The following SPIRE1 variants were observed in gnomAD, a reference collection of about 807,000 sequenced individuals.
The protein encoded by SPIRE1 is protein spire homolog 1.
A neutral mutation model predicts 94.1 loss-of-function variants in SPIRE1; 40 were observed. That is an observed-to-expected ratio of 0.43 (90% CI 0.33 to 0.55). The LOEUF (loss-of-function observed/expected upper bound fraction) is 0.55. SPIRE1 is among the 20% of genes least tolerant of loss of function. The pLI, the probability that SPIRE1 is intolerant of heterozygous loss-of-function variation, is 0.06. For missense variants in SPIRE1, 838 were observed against 975.2 expected, an observed-to-expected ratio of 0.86 and a Z score of 1.87; for synonymous variants, 376 against 371.7, an observed-to-expected ratio of 1.01 and a Z score of -0.13.
At chr18:12,507,593 G>A (rs944468154) in intron 5 of SPIRE1, among the ~76,000 whole-genome samples, 2 of 151,982 alleles carry the variant, frequency 1.3e-5, no homozygotes, top group Admixed American at 1.3e-4. Context: ...CAGCCACTCA[G>A]GAGGCTGAGG....
chr18:12,482,940 T>C (rs953599262), intron 9 of SPIRE1, among the ~76,000 whole-genome samples: 14 of 61,328 alleles, frequency 2.3e-4, no homozygotes, highest in African/African-American at 7.0e-4. Context: ...TTAATTGCAC[T>C]TTTTTTTTTT....
chr18:12,496,095 C>T lies in SPIRE1; in HGVS notation c.980G>A (p.Gly327Asp). The T allele has an allele frequency of 6.2e-7, 1 of 1,611,982 alleles. No individual in the cohort carries two copies. Among genetic ancestry groups the T allele is most frequent in the Non-Finnish European group, 8.5e-7 (1 of 1,178,150 alleles). ...CTTTTTTAACCGAGGGGGAATATCA[C>T]CATTCACCTAAAAGGAGACAAAAAG... Reference protein sequence around the residue: ...RYTLRKVMVNGDIPPRLKKSA... With the variant: ...RYTLRKVMVNDDIPPRLKKSA... The change falls in exon 7 of 17, where the codon GGT becomes GAT. Residue 327 changes from glycine (G) to aspartate (D), a missense_variant. Transcript: ENST00000409402.
chr18:12,542,046 G>A (rs1052124162), intron 3 of SPIRE1, among the ~76,000 whole-genome samples: 6 of 151,150 alleles, frequency 4.0e-5, no homozygotes, highest in African/African-American at 7.3e-5. Flanking sequence ...GCATGATCTC[G>A]GCTCACTGCA....
chr18:12,584,443 G>C (rs1163256313), intron 2 of SPIRE1, among the ~76,000 whole-genome samples: 1 of 151,388 alleles, frequency 6.6e-6, no homozygotes. Context: ...AAAAAAAAAA[G>C]AAAAATGAAT....
chr18:12,581,870 A>T (rs970937921), intron 2 of SPIRE1, among the ~76,000 whole-genome samples: 3 of 150,860 alleles, frequency 2.0e-5, no homozygotes, highest in African/African-American at 7.3e-5. Flanking sequence ...TAAAAAAAAA[A>T]AATCATTATG....
intron 2 of SPIRE1, among the ~76,000 whole-genome samples, chr18:12,609,216 T>C (rs2037070876): frequency 6.6e-6 from 1 of 152,176 alleles, no homozygotes; most frequent in Non-Finnish European, 1.5e-5. Context: ...GGCCCGGGGA[T>C]TGCAGACCCC....
At chr18:12,491,188 T>C (rs2033220379) in intron 8 of SPIRE1, among the ~76,000 whole-genome samples, 3 of 150,860 alleles carry the variant, frequency 2.0e-5, no homozygotes, top group African/African-American at 7.4e-5. Flanking sequence ...TATTCATGAA[T>C]TGAAAGACTT....
At chr18:12,626,034 A>ACCCCC (rs2037613013) in intron 2 of SPIRE1, among the ~76,000 whole-genome samples, 2 of 109,868 alleles carry the variant, frequency 1.8e-5, no homozygotes, top group Non-Finnish European at 4.2e-5. Flanking sequence ...CATTCCCCAC[A>ACCCCC]CCGCCCCGCC....
At position 12,635,167 on chromosome 18, in the gene SPIRE1, A is replaced by C. The variant is rs116386860; in HGVS notation, c.338-71T>G. ...TTTAAATCATTGATAAAAATATTTG[A>C]GCTTCTCTGGCTATGGCTTTATTAT... On this transcript the variant is annotated intron_variant, in intron 1 of 16. Transcript: ENST00000409402. 7.0e-3 allele frequency: 5,775 copies of C among 823,612 alleles called. 256 individuals carry two copies. In the African/African-American group the frequency reaches 0.088, roughly 13 times the overall value. 51.0% of individuals were successfully genotyped at this position (823,612 alleles called of 1,614,324 possible).
intron 1 of SPIRE1, among the ~76,000 whole-genome samples, chr18:12,646,110 C>G (rs772349005): frequency 6.6e-6 from 1 of 152,168 alleles, no homozygotes; most frequent in African/African-American, 2.4e-5. Context: ...CAACGCCACA[C>G]TTGCCATCCA....
chr18:12,576,369 G>C (rs975390365), intron 2 of SPIRE1, among the ~76,000 whole-genome samples: 1 of 151,650 alleles, frequency 6.6e-6, no homozygotes, highest in Admixed American at 6.6e-5. Context: ...AGGCTGAGAC[G>C]GGTGAAACTC....
intron 2 of SPIRE1, among the ~76,000 whole-genome samples, chr18:12,599,865 T>C (rs917836624): frequency 5.9e-5 from 9 of 152,106 alleles, no homozygotes; most frequent in Non-Finnish European, 1.2e-4. Context: ...ACTCCTCCCT[T>C]TGAGTCTAGG....
chr18:12,642,159 G>C (rs190758805), intron 1 of SPIRE1, among the ~76,000 whole-genome samples: 100 of 152,202 alleles, frequency 6.6e-4, no homozygotes, highest in Middle Eastern at 3.4e-3. Context: ...CATGGAAAAA[G>C]CATTCATCTG....
rs148627675 is a variant in SPIRE1 at position 12,454,385 on chromosome 18, T to C, written c.1737A>G (p.Gln579=). The change falls in exon 13 of 17, where the codon CAA becomes CAG. Residue 579 remains glutamine (Q), a synonymous_variant. Coordinates refer to ENST00000409402, the MANE Select transcript of SPIRE1 (RefSeq NM_001128626.2). ...VLVKAELEKY[Q]QYKDIYTALK... ...AGGCGGTGTAGATGTCTTTATACTG[T>C]TGGTATTTTTCCAGCTCTGCCTTCA... 2 of 1,613,076 alleles carry C rather than the reference T, an allele frequency of 1.2e-6. No homozygotes were observed. The highest frequency in any genetic ancestry group is 1.7e-6 in the Non-Finnish European group (2 of 1,179,626).
chr18:12,660,348 A>T (rs2038671295), upstream of SPIRE1, among the ~76,000 whole-genome samples: 1 of 148,842 alleles, frequency 6.7e-6, no homozygotes, highest in Non-Finnish European at 1.5e-5. Flanking sequence ...ATTGAGACAG[A>T]GTCTCACCCT....
intron 1 of SPIRE1, among the ~76,000 whole-genome samples, chr18:12,657,162 T>A (rs1384105532): frequency 6.6e-6 from 1 of 152,002 alleles, no homozygotes. Flanking sequence ...AGCCACGGCG[T>A]GAGGCGCACA....
chr18:12,552,256 G>A (rs922581475), intron 2 of SPIRE1, among the ~76,000 whole-genome samples: 1 of 152,164 alleles, frequency 6.6e-6, no homozygotes, highest in Non-Finnish European at 1.5e-5. Flanking sequence ...GTGCTGAGCT[G>A]GGCTCAGAGC....
At chr18:12,473,828 C>T (rs982792855) in intron 10 of SPIRE1, among the ~76,000 whole-genome samples, 3 of 152,164 alleles carry the variant, frequency 2.0e-5, no homozygotes, top group African/African-American at 7.2e-5. Context: ...AGTTAACCCC[C>T]AAACACAGCA....
At chr18:12,590,428 C>T (rs1407793891) in intron 2 of SPIRE1, among the ~76,000 whole-genome samples, 2 of 152,070 alleles carry the variant, frequency 1.3e-5, no homozygotes, top group African/African-American at 4.8e-5. Flanking sequence ...TCCTGAAGTT[C>T]CCTTTCAATG....
Sources: allele counts gnomAD v4.1 joint callset (sites outside exome capture counted in the v4.1 genomes callset), GRCh38; gene constraint gnomAD v4.1.1; transcripts MANE v1.5; gene names NCBI Gene and HGNC (gene_info 2026-07-23, HGNC 2026-07-21).